TTC27: variants seen among roughly 807,000 people sequenced by gnomAD.
TTC27 encodes the protein tetratricopeptide repeat domain 27.
In TTC27, 79 loss-of-function variants were observed where a neutral mutation model predicts 115.9. That is an observed-to-expected ratio of 0.68 (90% CI 0.57 to 0.82). The LOEUF (loss-of-function observed/expected upper bound fraction) is 0.82, where lower values mean the gene tolerates loss of function less well. Among genes scored for constraint, TTC27 ranks in the 40% least tolerant of loss-of-function variants. TTC27 has a pLI of 0.00. For missense variants in TTC27, 1,054 were observed against 993.1 expected, an observed-to-expected ratio of 1.06 and a Z score of -0.82; for synonymous variants, 401 against 356.0, an observed-to-expected ratio of 1.13 and a Z score of -1.42.
intron 7 of TTC27, among the ~76,000 whole-genome samples, chr2:32,667,358 C>T (rs1303230999): frequency 1.3e-5 from 2 of 151,464 alleles, no homozygotes; most frequent in Non-Finnish European, 2.9e-5. Context: ...CAGCTGCTTC[C>T]ATGAAGCCGT....
chr2:32,711,574 T>C (rs1477745476), intron 10 of TTC27, among the ~76,000 whole-genome samples: 1 of 152,194 alleles, frequency 6.6e-6, no homozygotes, highest in Non-Finnish European at 1.5e-5. Flanking sequence ...TGTGTTTTTT[T>C]AATTGTTTTA....
intron 10 of TTC27, among the ~76,000 whole-genome samples, chr2:32,717,516 T>C (rs1483461564): frequency 6.6e-6 from 1 of 152,216 alleles, no homozygotes; most frequent in Non-Finnish European, 1.5e-5. Context: ...CTACCACTGC[T>C]TCTTTCCTGT....
intron 9 of TTC27, among the ~76,000 whole-genome samples, chr2:32,690,587 T>C (rs1290130478): frequency 6.6e-6 from 1 of 151,978 alleles, no homozygotes; most frequent in Non-Finnish European, 1.5e-5. Flanking sequence ...ACAGATAGGG[T>C]TTAGATGGAG....
intron 7 of TTC27, among the ~76,000 whole-genome samples, chr2:32,668,036 A>C (rs191680536): frequency 6.6e-6 from 1 of 151,746 alleles, no homozygotes; most frequent in Non-Finnish European, 1.5e-5. Flanking sequence ...ATACAAAAAA[A>C]AAAAATTAAC....
chr2:32,803,021 G>A (rs1346312714), intron 16 of TTC27, among the ~76,000 whole-genome samples: 1 of 152,174 alleles, frequency 6.6e-6, no homozygotes, highest in Non-Finnish European at 1.5e-5. Flanking sequence ...CTGGTAATAT[G>A]TACTTGATGG....
At chr2:32,663,680 G>T (rs62136358) in intron 5 of TTC27, among the ~76,000 whole-genome samples, 333 of 54,618 alleles carry the variant, frequency 6.1e-3, no homozygotes, top group African/African-American at 0.015. Flanking sequence ...ATGTATGTAT[G>T]TATTTATTTA....
intron 5 of TTC27, among the ~76,000 whole-genome samples, chr2:32,661,621 T>A (rs1270108214): frequency 6.6e-6 from 1 of 152,238 alleles, no homozygotes; most frequent in Admixed American, 6.5e-5. Context: ...TGATTTTGTA[T>A]CCTGAGACTT....
chr2:32,683,652 A>C (rs1163712306), intron 9 of TTC27, among the ~76,000 whole-genome samples: 2 of 152,228 alleles, frequency 1.3e-5, no homozygotes, highest in Non-Finnish European at 2.9e-5. Context: ...TGTTGCAGGA[A>C]AGCTGAGTCA....
intron 5 of TTC27, among the ~76,000 whole-genome samples, chr2:32,655,921 A>G (rs1204763085): frequency 6.6e-6 from 1 of 152,132 alleles, no homozygotes; most frequent in Admixed American, 6.6e-5. Context: ...GAAATTGCAA[A>G]TTCAGTTCCT....
intron 13 of TTC27, among the ~76,000 whole-genome samples, chr2:32,769,784 A>G (rs1173218002): frequency 6.6e-6 from 1 of 152,150 alleles, no homozygotes; most frequent in East Asian, 1.9e-4. Context: ...GTAAGTATGA[A>G]CTCTTTGTAA....
intron 12 of TTC27, among the ~76,000 whole-genome samples, chr2:32,738,464 T>C (rs1042346577): frequency 6.6e-6 from 1 of 152,236 alleles, no homozygotes; most frequent in African/African-American, 2.4e-5. Flanking sequence ...AAAATTGGAA[T>C]GTATTTAACA....
chr2:32,749,111 A>G (rs1365998325), intron 12 of TTC27, among the ~76,000 whole-genome samples: 2 of 152,220 alleles, frequency 1.3e-5, no homozygotes, highest in African/African-American at 4.8e-5. Flanking sequence ...TTTTCCCTGT[A>G]TAAACATACT....
chr2:32,787,989 T>C (rs1286884526), intron 16 of TTC27, among the ~76,000 whole-genome samples: 1 of 152,134 alleles, frequency 6.6e-6, no homozygotes, highest in East Asian at 1.9e-4. Flanking sequence ...AGATAGTTCT[T>C]CCTTTTCTAC....
intron 15 of TTC27, among the ~76,000 whole-genome samples, chr2:32,785,574 TG>T (rs1355539775): frequency 6.6e-6 from 1 of 152,098 alleles, no homozygotes; most frequent in Non-Finnish European, 1.5e-5. Context: ...TTCTAGTTTT[TG>T]TTAGCTATTG....
At chr2:32,727,478 A>G (rs1446169056) in intron 10 of TTC27, among the ~76,000 whole-genome samples, 2 of 152,260 alleles carry the variant, frequency 1.3e-5, no homozygotes, top group Non-Finnish European at 2.9e-5. Flanking sequence ...ATAACCTTTA[A>G]GAAACCAGCA....
chr2:32,793,662 A>G (rs112598824), intron 16 of TTC27, among the ~76,000 whole-genome samples: 2,442 of 152,146 alleles, frequency 0.016, 25 homozygotes, highest in African/African-American at 0.025. Context: ...AACTGGGATT[A>G]TAGGTGCCTG....
chr2:32,721,999 G>A (rs1667948523), intron 10 of TTC27, among the ~76,000 whole-genome samples: 1 of 152,150 alleles, frequency 6.6e-6, no homozygotes, highest in Admixed American at 6.5e-5. Context: ...GAAATGCCTG[G>A]AATAGTGCTT....
intron 12 of TTC27, among the ~76,000 whole-genome samples, chr2:32,741,401 T>G (rs1480180521): frequency 1.3e-5 from 2 of 151,454 alleles, no homozygotes; most frequent in Non-Finnish European, 2.9e-5. Context: ...CCCAGCACAT[T>G]GGTAGGCTGA....
chr2:32,693,217 C>G (rs147087273), intron 9 of TTC27, among the ~76,000 whole-genome samples: 2 of 152,210 alleles, frequency 1.3e-5, no homozygotes, highest in East Asian at 3.9e-4. Flanking sequence ...ATGCAGAGGA[C>G]TAAGGATATA....
Sources: gnomAD v4.1 joint callset for allele counts (sites outside exome capture counted in the v4.1 genomes callset) on GRCh38, gnomAD v4.1.1 for gene constraint, MANE v1.5 for transcripts, NCBI Gene and HGNC (gene_info 2026-07-23, HGNC 2026-07-21) for gene names.